Variants in VWC2 observed in about 807,000 individuals in gnomAD.
The protein encoded by VWC2 is brorin.
A neutral mutation model predicts 29.8 loss-of-function variants in VWC2; 14 were observed. The observed-to-expected ratio is 0.47, with a 90% CI of 0.31 to 0.74. The LOEUF (loss-of-function observed/expected upper bound fraction) is 0.74, where lower values mean the gene tolerates loss of function less well. Among genes scored for constraint, VWC2 ranks in the 30% least tolerant of loss-of-function variants. The pLI is 0.05. For missense variants in VWC2, 457 were observed against 459.8 expected, an observed-to-expected ratio of 0.99 and a Z score of 0.05; for synonymous variants, 213 against 199.0, an observed-to-expected ratio of 1.07 and a Z score of -0.59.
chr7:49,903,045 C>A (rs897234310), intron 3 of VWC2, among the ~76,000 whole-genome samples: 21 of 152,086 alleles, frequency 1.4e-4, no homozygotes, highest in African/African-American at 5.1e-4. Context: ...TAGGGAAATA[C>A]AAATTAAAAC....
chr7:49,904,736 A>ATTT lies in VWC2; in HGVS notation c.827-7283_827-7281dup, dbSNP rs5884134. On this transcript the variant is annotated intron_variant, in intron 3 of 3. Transcript: ENST00000340652. ...AAAAATAGCAACATAGCATATATTA[A>ATTT]TTTTTTTTTTTTTTTTTGAGATGGA... 1.1e-4 allele frequency among the ~76,000 whole-genome samples: 15 copies of ATTT among 139,004 alleles called. No individual in the cohort carries two copies. In the East Asian group the frequency reaches 1.7e-3, roughly 16 times the overall value. The allele number at this position is 139,004 out of a possible 152,430, so 91.2% of individuals were successfully genotyped here. A position where few individuals can be genotyped will look rare whatever the true frequency, so the allele number is the denominator to read the frequency against.
intron 3 of VWC2, among the ~76,000 whole-genome samples, chr7:49,843,575 G>T (rs1048388108): frequency 1.3e-5 from 2 of 152,178 alleles, no homozygotes; most frequent in African/African-American, 4.8e-5. Flanking sequence ...ATCATTCAAT[G>T]AATGATTTTA....
At chr7:49,807,252 A>G (rs569285179) in intron 3 of VWC2, among the ~76,000 whole-genome samples, 26 of 152,348 alleles carry the variant, frequency 1.7e-4, no homozygotes, top group Non-Finnish European at 2.9e-4. Context: ...ACAAAATTCT[A>G]GCCAAAAATC....
intron 3 of VWC2, among the ~76,000 whole-genome samples, chr7:49,848,870 C>T (rs1030580999): frequency 5.3e-5 from 8 of 152,104 alleles, no homozygotes; most frequent in Non-Finnish European, 7.3e-5. Flanking sequence ...ATTCAGTAGA[C>T]CAGAAAGGAA....
Position 49,775,396 on chromosome 7 carries a change from C to CTGCCCGT in VWC2, c.-40_-39insTGCCCGT. The CTGCCCGT allele has an allele frequency of 7.5e-7, 1 of 1,326,036 alleles. No homozygotes were observed. The highest frequency in any genetic ancestry group is 9.6e-7 in the Non-Finnish European group (1 of 1,039,294). 82.1% of individuals were successfully genotyped at this position (1,326,036 alleles called of 1,614,324 possible). On this transcript the variant is annotated 5_prime_UTR_variant, in exon 2 of 4. An upstream open reading frame in the 5' UTR loses its in-frame stop. Transcript: ENST00000340652. ...CTGTGAATGCGACTCGCCCCTCGGC[C>CTGCCCGT]GCGCTCCCCGCCCGCCCGCCCGCCG...
Position 49,910,706 on chromosome 7 carries a change from C to A in VWC2, c.827-1328C>A, listed in dbSNP as rs186454238. ...AGTGCAGATGTGACACATTTGTTGG[C>A]TGATATATTATAGCTGATATAGAAT... On this transcript the variant is annotated intron_variant, in intron 3 of 3. Transcript: ENST00000340652. Among the ~76,000 whole-genome samples, 148 of 152,292 alleles carry A rather than the reference C, an allele frequency of 9.7e-4. 1 individual carries two copies. In the East Asian group the frequency reaches 0.023, roughly 24 times the overall value.
intron 3 of VWC2, among the ~76,000 whole-genome samples, chr7:49,875,243 G>A (rs1339581655): frequency 7.3e-5 from 11 of 151,186 alleles, no homozygotes; most frequent in East Asian, 3.9e-4. Context: ...GGTGGCATGC[G>A]CCTTTAGTCC....
intron 3 of VWC2, among the ~76,000 whole-genome samples, chr7:49,871,897 G>A (rs1421224382): frequency 1.4e-4 from 16 of 117,554 alleles, no homozygotes; most frequent in South Asian, 3.5e-4. Context: ...GTATGTATAT[G>A]TGTGTATATA....
At chr7:49,802,593 G>C (rs1217992326) in intron 2 of VWC2, 118 bp from the exon 3 acceptor site, 1 of 1,365,678 alleles carries the variant, frequency 7.3e-7, no homozygotes, top group Non-Finnish European at 1.0e-6. Context: ...AGCCGAGATC[G>C]CACCACTGCA....
At chr7:49,859,368 C>T (rs1215597650) in intron 3 of VWC2, among the ~76,000 whole-genome samples, 1 of 152,094 alleles carries the variant, frequency 6.6e-6, no homozygotes, top group Non-Finnish European at 1.5e-5. Flanking sequence ...GGTAACAAGG[C>T]TGTTCTCATA....
At chr7:49,836,315 G>T (rs1336610653) in intron 3 of VWC2, among the ~76,000 whole-genome samples, 1 of 151,990 alleles carries the variant, frequency 6.6e-6, no homozygotes, top group Admixed American at 6.6e-5. Context: ...GACTTATAGT[G>T]AAATGATATT....
chr7:49,842,444 A>G (rs1182646454), intron 3 of VWC2, among the ~76,000 whole-genome samples: 2 of 152,168 alleles, frequency 1.3e-5, no homozygotes, highest in South Asian at 4.1e-4. Context: ...AGTATAGGGG[A>G]GAACCTAAAA....
At chr7:49,899,645 G>A (rs1183929258) in intron 3 of VWC2, among the ~76,000 whole-genome samples, 1 of 151,964 alleles carries the variant, frequency 6.6e-6, no homozygotes, top group African/African-American at 2.4e-5. Flanking sequence ...ATATGCATTT[G>A]CCTGAAAACA....
At chr7:49,868,327 A>G (rs1790999550) in intron 3 of VWC2, among the ~76,000 whole-genome samples, 1 of 152,180 alleles carries the variant, frequency 6.6e-6, no homozygotes, top group African/African-American at 2.4e-5. Context: ...TCTTTAGCCA[A>G]GTCAATTTTG....
intron 3 of VWC2, among the ~76,000 whole-genome samples, chr7:49,813,016 C>T (rs1276300724): frequency 1.3e-5 from 2 of 152,152 alleles, no homozygotes; most frequent in African/African-American, 4.8e-5. Context: ...TTTTTGTACT[C>T]TCAGTTCCTT....
intron 3 of VWC2, among the ~76,000 whole-genome samples, chr7:49,843,472 A>G (rs1237231922): frequency 1.3e-5 from 2 of 152,220 alleles, no homozygotes; most frequent in Non-Finnish European, 2.9e-5. Flanking sequence ...ACCATTAATG[A>G]GTTTGGACAG....
chr7:49,840,594 T>G (rs780308194), intron 3 of VWC2, among the ~76,000 whole-genome samples: 2 of 152,138 alleles, frequency 1.3e-5, no homozygotes, highest in Non-Finnish European at 2.9e-5. Context: ...AAATAAGTCT[T>G]TGTTAACTCC....
At chr7:49,892,983 C>T (rs1391701759) in intron 3 of VWC2, among the ~76,000 whole-genome samples, 2 of 152,094 alleles carry the variant, frequency 1.3e-5, no homozygotes, top group East Asian at 1.9e-4. Flanking sequence ...AAGCCTGTCC[C>T]CAATTTATTT....
intron 3 of VWC2, among the ~76,000 whole-genome samples, chr7:49,876,558 G>C (rs1044854549): frequency 2.6e-5 from 4 of 152,104 alleles, no homozygotes; most frequent in African/African-American, 9.7e-5. Flanking sequence ...ATTTAATTTA[G>C]TACTTCAATT....
Sources: gnomAD v4.1 joint callset for allele counts (sites outside exome capture counted in the v4.1 genomes callset) on GRCh38, gnomAD v4.1.1 for gene constraint, MANE v1.5 for transcripts, NCBI Gene and HGNC (gene_info 2026-07-23, HGNC 2026-07-21) for gene names.